The following ACOT11 variants were observed in gnomAD, a reference collection of about 807,000 sequenced individuals.
ACOT11 encodes the protein acyl-coenzyme A thioesterase 11.
Under a neutral mutation model 77.5 loss-of-function variants are expected in ACOT11, and 69 were observed. The observed-to-expected ratio is 0.89, with a 90% CI of 0.73 to 1.09. The LOEUF is 1.09. Among genes scored for constraint, ACOT11 ranks in the 50% least tolerant of loss-of-function variants. ACOT11 has a pLI of 0.00. For missense variants in ACOT11, 766 were observed against 813.7 expected (o/e 0.94, Z 0.71); for synonymous variants, 279 against 313.0 (o/e 0.89, Z 1.15).
intron 15 of ACOT11, chr1:54,615,949 G>A: frequency 6.6e-7 from 1 of 1,521,066 alleles, no homozygotes; most frequent in East Asian, 2.3e-5. Context: ...TTCCCAGTGA[G>A]GGATCTCTGC....
intron 12 of ACOT11, 116 bp from the exon 13 acceptor site, chr1:54,604,960 T>C: frequency 9.2e-7 from 1 of 1,087,472 alleles, no homozygotes; most frequent in Non-Finnish European, 1.3e-6. Flanking sequence ...TTGAGCTGCG[T>C]GTTCACATTC....
At chr1:54,585,220 C>G (rs972418049) in intron 2 of ACOT11, among the ~76,000 whole-genome samples, 1 of 152,192 alleles carries the variant, frequency 6.6e-6, no homozygotes, top group African/African-American at 2.4e-5. Flanking sequence ...GTGCGCTGGA[C>G]TGAGCCCATT....
chr1:54,564,196 C>T (rs1569660142), intron 1 of ACOT11, among the ~76,000 whole-genome samples: 1 of 151,526 alleles, frequency 6.6e-6, no homozygotes, highest in South Asian at 2.1e-4. Flanking sequence ...GCCATGATGG[C>T]GCCACTGCAC....
chr1:54,617,924 AC>A, intron 15 of ACOT11, among the ~76,000 whole-genome samples: 1 of 150,778 alleles, frequency 6.6e-6, no homozygotes, highest in African/African-American at 2.4e-5. Flanking sequence ...ATGCGGTTTC[AC>A]CATATCAGTC....
intron 15 of ACOT11, among the ~76,000 whole-genome samples, chr1:54,629,369 C>G (rs1644288215): frequency 7.6e-6 from 1 of 132,040 alleles, no homozygotes; most frequent in Admixed American, 7.8e-5. Context: ...TCACTGCAAC[C>G]TCTGCCTCCC....
chr1:54,601,320 C>T lies in ACOT11; in HGVS notation c.936C>T (p.His312=). The part of the protein sequence containing the change: ...VEAYRQEAET[H]RRHINSAFMT... ...CCTATCGCCAGGAGGCTGAGACCCA[C>T]CGGCGCCACATCAACAGTGCCTTTA... Residue 312 remains histidine (H), a synonymous_variant, in exon 9 of 16, where the codon CAC becomes CAT. Transcript: ENST00000343744. 2 of 1,613,436 alleles carry T rather than the reference C, an allele frequency of 1.2e-6. No individual in the cohort carries two copies. The highest frequency in any genetic ancestry group is 1.3e-5 in the African/African-American group (1 of 75,026).
chr1:54,572,999 C>T (rs1653977453), intron 1 of ACOT11: 30 of 985,314 alleles, frequency 3.0e-5, no homozygotes, highest in Non-Finnish European at 3.5e-5. Context: ...CCCAGTGGGA[C>T]AGTGTTCTGG....
chr1:54,609,644 C>G lies in ACOT11; in HGVS notation c.*532C>G, dbSNP rs373886982. On this transcript the variant is annotated 3_prime_UTR_variant, in exon 16 of 16. Transcript: ENST00000343744. The stretch of plus-strand genomic sequence containing the variant: ...CTCAGCCACAGCTGTAAGCAGCTCT[C>G]TGCCAGCCACATGGCCGGGGACCGA... 1 of 1,613,938 alleles carries G rather than the reference C, an allele frequency of 6.2e-7. No individual in the cohort carries two copies. The highest frequency in any genetic ancestry group is 8.5e-7 in the Non-Finnish European group (1 of 1,180,042).
Position 54,594,537 on chromosome 1 carries a change from C to A in ACOT11, c.472-19C>A. 6.2e-7 allele frequency: 1 copy of A among 1,606,526 alleles called. No homozygotes were observed. The highest frequency in any genetic ancestry group is 8.5e-7 in the Non-Finnish European group (1 of 1,175,892). On this transcript the variant is annotated intron_variant, in intron 5 of 15. Coordinates refer to ENST00000343744, the MANE Select transcript of ACOT11 (RefSeq NM_147161.4). ...GAGACTTGCCCTGAGTGTCCCCCAC[C>A]CTGTCCCCTGGCCGACAGGTGAAGC...
Position 54,602,652 on chromosome 1 carries a change from C to A in ACOT11, c.1030-17C>A, listed in dbSNP as rs374613077. On this transcript the variant is annotated splice_polypyrimidine_tract_variant and intron_variant, in intron 9 of 15. Transcript: ENST00000343744. ...AGGGTGGGGGTAGCTGGTTGCCTAT[C>A]CCGACTTCCTCCCCAGGATGGTGAG... The A allele has an allele frequency of 2.6e-6, 4 of 1,521,014 alleles. No individual in the cohort carries two copies. The African/African-American group carries it at 5.6e-5, about 21-fold the overall frequency. The allele number at this position is 1,521,014 out of a possible 1,614,324, so 94.2% of individuals were successfully genotyped here. A position where few individuals can be genotyped will look rare whatever the true frequency, so the allele number is the denominator to read the frequency against.
In ACOT11 at chr1:54,603,930, G is replaced by A; in HGVS notation, c.1145G>A (p.Ser382Asn). The change falls in exon 11 of 16, where the codon AGC (serine) becomes AAC (asparagine). Residue 382 changes from serine to asparagine, a missense_variant. Coordinates refer to ENST00000343744, the MANE Select transcript of ACOT11 (RefSeq NM_147161.4). ...CCCCTCTCCGTCCCCTGGGACCCTA[G>A]CAACCAGGTAAGGCTCTCTGCTCCG... is the stretch of plus-strand genomic sequence containing the variant. ...EVPLSVPWDP[S>N]NQVYLSYNNV... The A allele has an allele frequency of 6.2e-7, 1 of 1,614,048 alleles. No homozygotes were observed. The highest frequency in any genetic ancestry group is 8.5e-7 in the Non-Finnish European group (1 of 1,179,960).
In ACOT11 at chr1:54,579,148, T is replaced by C. The variant is rs111975997; in HGVS notation, c.34-5507T>C. ...AGAAGCCTGAGGAACAGCCTCCTGG[T>C]ATCCTTCCTCCCAGCCCTGGGGCTA... is the stretch of plus-strand genomic sequence containing the variant. On this transcript the variant is annotated intron_variant, in intron 1 of 15. Transcript: ENST00000343744. Among the ~76,000 whole-genome samples the C allele has an allele frequency of 9.5e-3, 1,448 of 152,362 alleles. 23 individuals carry two copies. Among genetic ancestry groups the C allele is most frequent in the African/African-American group, 0.033 (1,376 of 41,586 alleles).
chr1:54,554,333 GTATATA>G (rs1553161035), intron 1 of ACOT11, among the ~76,000 whole-genome samples: 1 of 96,380 alleles, frequency 1.0e-5, no homozygotes, highest in African/African-American at 4.1e-5. Context: ...GTGTGTGTGT[GTATATA>G]TATATATATA....
chr1:54,597,026 T>C (rs1296200019), intron 6 of ACOT11, among the ~76,000 whole-genome samples: 3 of 152,228 alleles, frequency 2.0e-5, no homozygotes, highest in African/African-American at 7.2e-5. Flanking sequence ...GGAGTGGAGC[T>C]GAGGCTCAGA....
In ACOT11 at chr1:54,607,865, G is replaced by T; in HGVS notation, c.1503-77G>T. The stretch of plus-strand genomic sequence containing the variant: ...CTGTGCTAGAGGGGGCAGGGTCTCG[G>T]CCTTGGTTGGGCAGAACAGGCCCCC... On this transcript the variant is annotated intron_variant, in intron 14 of 15. Coordinates refer to ENST00000343744, the MANE Select transcript of ACOT11 (RefSeq NM_147161.4). The surrounding 1 kb of genome is among the most constrained non-coding windows in gnomAD (Gnocchi z 4.5). 1 of 1,581,868 alleles carries T rather than the reference G, an allele frequency of 6.3e-7. No individual in the cohort carries two copies.
chr1:54,594,527 T>A, intron 5 of ACOT11, 29 bp from the exon 6 acceptor site: 1 of 1,597,482 alleles, frequency 6.3e-7, no homozygotes, highest in Non-Finnish European at 8.5e-7. Context: ...TTGCCCTGAG[T>A]GTCCCCCACC....
intron 1 of ACOT11, among the ~76,000 whole-genome samples, chr1:54,578,400 T>G (rs901740006): frequency 5.9e-5 from 9 of 152,178 alleles, no homozygotes; most frequent in Non-Finnish European, 1.0e-4. Flanking sequence ...CCCCACCCCC[T>G]GAAAAGCATC....
At chr1:54,623,947 G>A (rs1205976197) in intron 15 of ACOT11, among the ~76,000 whole-genome samples, 1 of 152,218 alleles carries the variant, frequency 6.6e-6, no homozygotes, top group South Asian at 2.1e-4. Flanking sequence ...TTAGATCTGC[G>A]TAAGGGGCAA....
intron 1 of ACOT11, among the ~76,000 whole-genome samples, chr1:54,568,137 C>T (rs1653800922): frequency 6.6e-6 from 1 of 152,166 alleles, no homozygotes; most frequent in Non-Finnish European, 1.5e-5. Context: ...CGCAACCCTG[C>T]ACAGTCTTGT....
Sources: gnomAD v4.1 joint callset for allele counts (sites outside exome capture counted in the v4.1 genomes callset) on GRCh38, gnomAD v4.1.1 for gene constraint, Gnocchi (gnomAD v3.1) non-coding constraint, MANE v1.5 for transcripts, NCBI Gene and HGNC (gene_info 2026-07-23, HGNC 2026-07-21) for gene names.